XKR6: variants seen among roughly 807,000 people sequenced by gnomAD.
The protein encoded by XKR6 is XK-related protein 6.
Under a neutral mutation model 56.7 loss-of-function variants are expected in XKR6, and 22 were observed. That is an observed-to-expected ratio of 0.39 (90% CI 0.28 to 0.55). XKR6 has a LOEUF of 0.55. Ranked by LOEUF, XKR6 falls within the 20% of genes least tolerant of loss-of-function variation. The pLI is 0.66. For missense variants in XKR6, 852 were observed against 889.0 expected (o/e 0.96, Z 0.53); for synonymous variants, 524 against 387.8 (o/e 1.35, Z -4.13).
intron 1 of XKR6, among the ~76,000 whole-genome samples, chr8:11,064,918 T>C (rs1006694926): frequency 1.3e-5 from 2 of 152,150 alleles, no homozygotes; most frequent in African/African-American, 2.4e-5. Context: ...GACAAAAACC[T>C]CAATGGTTAA....
At chr8:11,101,879 C>A (rs1798498292) in intron 1 of XKR6, among the ~76,000 whole-genome samples, 1 of 152,062 alleles carries the variant, frequency 6.6e-6, no homozygotes, top group African/African-American at 2.4e-5. Flanking sequence ...TAGAAACGCT[C>A]TCCTTCCCTT....
intron 1 of XKR6, among the ~76,000 whole-genome samples, chr8:11,079,622 C>T (rs1797645783): frequency 6.6e-6 from 1 of 152,160 alleles, no homozygotes; most frequent in Non-Finnish European, 1.5e-5. Flanking sequence ...ACTTTATGTA[C>T]TTCTTGGAAT....
intron 1 of XKR6, among the ~76,000 whole-genome samples, chr8:10,958,916 G>A (rs538462935): frequency 5.3e-5 from 8 of 152,204 alleles, no homozygotes; most frequent in Non-Finnish European, 8.8e-5. Context: ...ATGCTTTATG[G>A]TGACAGCGGG....
intron 1 of XKR6, among the ~76,000 whole-genome samples, chr8:11,001,815 C>A (rs761974453): frequency 2.0e-5 from 3 of 152,350 alleles, no homozygotes; most frequent in Non-Finnish European, 4.4e-5. Context: ...GCCAGCAGCT[C>A]ACTGCCGGTC....
rs114211094 is a variant in XKR6, at chr8:11,053,561, C to T, written c.765-128731G>A. On this transcript the variant is annotated intron_variant, in intron 1 of 2. Transcript: ENST00000416569. ...GGTCACCGGCTTCCAGCAGGTGCTG[C>T]GCCTCCTGCACCCACTTCCTGACTC... Among the ~76,000 whole-genome samples the T allele has an allele frequency of 8.0e-3, 1,216 of 152,342 alleles. 19 individuals carry two copies. Among genetic ancestry groups the T allele is most frequent in the African/African-American group, 0.027 (1,124 of 41,576 alleles).
intron 1 of XKR6, among the ~76,000 whole-genome samples, chr8:10,957,175 T>G (rs1045227427): frequency 6.6e-6 from 1 of 152,204 alleles, no homozygotes; most frequent in Non-Finnish European, 1.5e-5. Flanking sequence ...GGTTTTGAAC[T>G]CCTGACCTCA....
At chr8:11,062,693 A>T (rs1327848420) in intron 1 of XKR6, 3 of 453,840 alleles carry the variant, frequency 6.6e-6, no homozygotes, top group Non-Finnish European at 1.3e-5. Flanking sequence ...TTTTAGTTAG[A>T]GTTTCATCTA....
At chr8:11,029,293 G>A (rs374685510) in intron 1 of XKR6, among the ~76,000 whole-genome samples, 26 of 152,150 alleles carry the variant, frequency 1.7e-4, no homozygotes, top group African/African-American at 6.0e-4. Flanking sequence ...GTCATCAGTT[G>A]TCCCTTTAGG....
chr8:10,961,954 T>C (rs184532632), intron 1 of XKR6, among the ~76,000 whole-genome samples: 3 of 152,288 alleles, frequency 2.0e-5, no homozygotes, highest in African/African-American at 7.2e-5. Flanking sequence ...CACAAACGCA[T>C]AGCTATTATA....
At chr8:11,084,273 C>T (rs1372660312) in intron 1 of XKR6, among the ~76,000 whole-genome samples, 1 of 152,224 alleles carries the variant, frequency 6.6e-6, no homozygotes, top group Non-Finnish European at 1.5e-5. Context: ...GTCAGAACGC[C>T]ATCTGCGTAC....
chr8:11,155,744 C>A (rs918526405), intron 1 of XKR6, among the ~76,000 whole-genome samples: 1 of 152,162 alleles, frequency 6.6e-6, no homozygotes, highest in Non-Finnish European at 1.5e-5. Context: ...AACCTCCCAC[C>A]CGTCTATTTT....
intron 1 of XKR6, among the ~76,000 whole-genome samples, chr8:11,008,524 C>T (rs1798426045): frequency 6.6e-6 from 1 of 150,748 alleles, no homozygotes. Context: ...GGGCTTAAGC[C>T]ATCCTCCCAT....
At chr8:11,113,586 G>A (rs761491693) in intron 1 of XKR6, among the ~76,000 whole-genome samples, 7 of 151,998 alleles carry the variant, frequency 4.6e-5, no homozygotes, top group Non-Finnish European at 7.4e-5. Context: ...AAAAAGTTGT[G>A]GCAAGAATCC....
At chr8:10,909,895 G>C (rs1247482823) in intron 2 of XKR6, among the ~76,000 whole-genome samples, 1 of 152,048 alleles carries the variant, frequency 6.6e-6, no homozygotes, top group Admixed American at 6.5e-5. Flanking sequence ...TTCAGAGGAA[G>C]GAATTGAGGC....
chr8:11,201,297 C>A lies in XKR6; in HGVS notation c.43G>T (p.Ala15Ser). Reference sequence around the variant, plus strand: ...GCCTCGTCCAGGTTGTGCAGCTGAGCGAAGCCCACCCCCACGCCACCGCCA... The same window carrying A: ...GCCTCGTCCAGGTTGTGCAGCTGAGAGAAGCCCACCCCCACGCCACCGCCA... Reference protein sequence around the residue: ...SDGGGVGVGFAQLHNLDEAVG... With the variant: ...SDGGGVGVGFSQLHNLDEAVG... Residue 15 changes from alanine to serine, a missense_variant, in exon 1 of 3, where the codon GCT becomes TCT. This residue lies in a region of XKR6 where 417 missense variants were observed against 355.2 expected (regional missense o/e 1.17). Coordinates refer to ENST00000416569, the MANE Select transcript of XKR6 (RefSeq NM_173683.4). The A allele has an allele frequency of 6.4e-7, 1 of 1,574,068 alleles. No homozygotes were observed. The highest frequency in any genetic ancestry group is 8.6e-7 in the Non-Finnish European group (1 of 1,168,992).
At chr8:11,199,760 A>G (rs1563215449) in intron 1 of XKR6, among the ~76,000 whole-genome samples, 1 of 152,172 alleles carries the variant, frequency 6.6e-6, no homozygotes, top group Non-Finnish European at 1.5e-5. Flanking sequence ...ACAAAACGAG[A>G]AAGGGCCGCA....
intron 1 of XKR6, among the ~76,000 whole-genome samples, chr8:10,991,564 A>G (rs989670070): frequency 6.6e-6 from 1 of 152,166 alleles, no homozygotes; most frequent in Non-Finnish European, 1.5e-5. Context: ...ACTTGAGGCA[A>G]AACAACAGCT....
chr8:10,957,719 G>A (rs1035376278), intron 1 of XKR6, among the ~76,000 whole-genome samples: 2 of 152,136 alleles, frequency 1.3e-5, no homozygotes, highest in African/African-American at 4.8e-5. Flanking sequence ...GAGGAATGGG[G>A]CTCACCAATG....
Position 11,168,688 on chromosome 8 carries a change from G to A in XKR6, c.764+31888C>T, listed in dbSNP as rs117760730. 1.4e-3 allele frequency among the ~76,000 whole-genome samples: 209 copies of A among 152,284 alleles called. 2 individuals are homozygous for A. The highest frequency in any genetic ancestry group is 9.7e-4 in the Non-Finnish European group (66 of 68,026). On this transcript the variant is annotated intron_variant, in intron 1 of 2. Coordinates refer to ENST00000416569, the MANE Select transcript of XKR6 (RefSeq NM_173683.4). ...TTTAAAAAGACTGAAGTCATACAAA[G>A]TATTGATAGAGAAAGTTAGGTAGTT...
Sources: allele counts gnomAD v4.1 joint callset (sites outside exome capture counted in the v4.1 genomes callset), GRCh38; gene constraint gnomAD v4.1.1; regional missense constraint gnomAD v4.1.1; transcripts MANE v1.5; gene names NCBI Gene and HGNC (gene_info 2026-07-23, HGNC 2026-07-21).